NME7: variants seen among roughly 807,000 people sequenced by gnomAD.
NME7 encodes nucleoside diphosphate kinase 7.
NME7 carries 41 observed loss-of-function variants against 49.1 expected under a neutral mutation model. The observed-to-expected ratio is 0.83, with a 90% CI of 0.65 to 1.08. The LOEUF is 1.08. NME7 is among the 50% of genes least tolerant of loss of function. The pLI, the probability that NME7 is intolerant of heterozygous loss-of-function variation, is 0.00. For synonymous variants in NME7, 139 were observed against 150.6 expected (o/e 0.92, Z 0.56); for missense variants, 423 against 463.4 (o/e 0.91, Z 0.80).
intron 10 of NME7, among the ~76,000 whole-genome samples, chr1:169,181,877 G>A (rs751277607): frequency 6.6e-5 from 10 of 152,038 alleles, no homozygotes; most frequent in Non-Finnish European, 1.3e-4. Context: ...CACAGTCCAG[G>A]ATCTCCTCCT....
intron 1 of NME7, among the ~76,000 whole-genome samples, chr1:169,333,301 A>G (rs546164136): frequency 6.6e-6 from 1 of 152,306 alleles, no homozygotes; most frequent in South Asian, 2.1e-4. Flanking sequence ...GATGGTTATC[A>G]GAAGTTGGGA....
At chr1:169,135,030 AAAAAAAAAAAAT>A (rs1658387744) in intron 11 of NME7, among the ~76,000 whole-genome samples, 1 of 149,564 alleles carries the variant, frequency 6.7e-6, no homozygotes, top group Non-Finnish European at 1.5e-5. Flanking sequence ...AAAAAAAAAA[AAAAAAAAAAAAT>A]AGCCGAGCAT....
At chr1:169,142,800 T>C (rs1484671004) in intron 11 of NME7, among the ~76,000 whole-genome samples, 1 of 152,170 alleles carries the variant, frequency 6.6e-6, no homozygotes, top group Non-Finnish European at 1.5e-5. Flanking sequence ...TGTCACCTCA[T>C]GGTGCACCTA....
At chr1:169,330,248 T>C (rs1033279430) in intron 1 of NME7, among the ~76,000 whole-genome samples, 12 of 152,222 alleles carry the variant, frequency 7.9e-5, no homozygotes, top group African/African-American at 2.9e-4. Flanking sequence ...AATAATCACC[T>C]GAAGGTAAAA....
intron 7 of NME7, among the ~76,000 whole-genome samples, chr1:169,250,888 C>T (rs1306423148): frequency 2.6e-5 from 4 of 151,996 alleles, no homozygotes; most frequent in Non-Finnish European, 5.9e-5. Context: ...TGTTTTGTGG[C>T]CTAGCATATG....
intron 9 of NME7, 150 bp downstream of exon 9, chr1:169,234,981 G>A (rs10919102): frequency 0.1 from 40,135 of 398,850 alleles, 2,148 homozygotes; most frequent in East Asian, 0.13. Context: ...TAACAACCTA[G>A]GTCGTTGACA....
chr1:169,264,718 TAGTATC>T lies in NME7; in HGVS notation c.754+22579_754+22584del, dbSNP rs1197060287. On this transcript the variant is annotated intron_variant, in intron 7 of 11. Coordinates refer to ENST00000367811, the MANE Select transcript of NME7 (RefSeq NM_013330.5). ...ATAGATCATTGAGGCAGAAAATTAA[TAGTATC>T]AGGATCTGAACTAAACTCTTGACCA... 1.5e-5 allele frequency among the ~76,000 whole-genome samples: 2 copies of T among 133,068 alleles called. 1 individual carries two copies. The highest frequency in any genetic ancestry group is 1.5e-4 in the Admixed American group (2 of 13,522). 87.3% of individuals were successfully genotyped at this position (133,068 alleles called of 152,430 possible).
chr1:169,315,508 C>T (rs1486028781), intron 3 of NME7, among the ~76,000 whole-genome samples: 3 of 152,116 alleles, frequency 2.0e-5, no homozygotes, highest in Non-Finnish European at 4.4e-5. Flanking sequence ...TCAACTGATC[C>T]ACCCGCCTCA....
intron 3 of NME7, 77 bp downstream of exon 3, chr1:169,323,040 T>C (rs1651912305): frequency 8.3e-7 from 1 of 1,209,920 alleles, no homozygotes; most frequent in Non-Finnish European, 1.1e-6. Flanking sequence ...TATGGTTACA[T>C]ACTCCCAGTC....
chr1:169,314,696 C>G (rs1256091220), intron 3 of NME7, among the ~76,000 whole-genome samples: 1 of 151,820 alleles, frequency 6.6e-6, no homozygotes, highest in Non-Finnish European at 1.5e-5. Context: ...AGCAAACCAC[C>G]ATGGCACATG....
chr1:169,350,245 AGAAGGAAG>A (rs762821980), intron 1 of NME7, among the ~76,000 whole-genome samples: 3 of 87,202 alleles, frequency 3.4e-5, no homozygotes, highest in Admixed American at 1.3e-4. Context: ...AAAGAAAGAA[AGAAGGAAG>A]GAAGGAAGGA....
At chr1:169,299,272 A>T (rs1483016506) in intron 5 of NME7, among the ~76,000 whole-genome samples, 1 of 67,220 alleles carries the variant, frequency 1.5e-5, no homozygotes, top group Non-Finnish European at 3.7e-5. Context: ...GTTTGGTGAT[A>T]AAAAAAAAAA....
At chr1:169,242,652 C>T (rs1255623073) in intron 7 of NME7, among the ~76,000 whole-genome samples, 2 of 150,716 alleles carry the variant, frequency 1.3e-5, no homozygotes, top group Non-Finnish European at 3.0e-5. Flanking sequence ...TTGTATATGA[C>T]ATGACTGTCT....
At chr1:169,358,319 GA>G (rs1200554982) in intron 1 of NME7, among the ~76,000 whole-genome samples, 3 of 151,996 alleles carry the variant, frequency 2.0e-5, no homozygotes, top group Non-Finnish European at 4.4e-5. Flanking sequence ...AATCTAAACA[GA>G]AAGTATTATT....
At chr1:169,339,053 ACC>A in intron 1 of NME7, among the ~76,000 whole-genome samples, 1 of 152,218 alleles carries the variant, frequency 6.6e-6, no homozygotes, top group Middle Eastern at 3.4e-3. Context: ...TAGTTCTGGG[ACC>A]ATAAAATACT....
At chr1:169,183,788 C>A (rs137931653) in intron 10 of NME7, among the ~76,000 whole-genome samples, 2,200 of 151,340 alleles carry the variant, frequency 0.015, 48 homozygotes, top group African/African-American at 0.048. Context: ...GGCGACAGAG[C>A]GAGACTCCAT....
chr1:169,180,924 T>C (rs977086873), intron 10 of NME7, among the ~76,000 whole-genome samples: 4 of 152,274 alleles, frequency 2.6e-5, no homozygotes, highest in South Asian at 2.1e-4. Context: ...GGCCATCATA[T>C]TGGACAGTAG....
intron 1 of NME7, among the ~76,000 whole-genome samples, chr1:169,331,257 C>T (rs1032178413): frequency 1.3e-5 from 2 of 152,026 alleles, no homozygotes; most frequent in Non-Finnish European, 2.9e-5. Flanking sequence ...TTTGATAAAA[C>T]TCAACATACC....
chr1:169,212,751 G>A (rs773080211), intron 10 of NME7, among the ~76,000 whole-genome samples: 1 of 151,972 alleles, frequency 6.6e-6, no homozygotes, highest in African/African-American at 2.4e-5. Flanking sequence ...TAGGACTACA[G>A]GCACAGGCCA....
Sources: allele counts gnomAD v4.1 joint callset (sites outside exome capture counted in the v4.1 genomes callset), GRCh38; gene constraint gnomAD v4.1.1; transcripts MANE v1.5; gene names NCBI Gene and HGNC (gene_info 2026-07-23, HGNC 2026-07-21).